The following CDH13 variants were observed in gnomAD, a reference collection of about 807,000 sequenced individuals.
The protein encoded by CDH13 is cadherin-13.
Under a neutral mutation model 63.8 loss-of-function variants are expected in CDH13, and 24 were observed. That is an observed-to-expected ratio of 0.38 (90% confidence interval 0.27 to 0.53). The LOEUF (loss-of-function observed/expected upper bound fraction) is 0.53, where lower values mean the gene tolerates loss of function less well. Ranked by LOEUF, CDH13 falls within the 20% of genes least tolerant of loss-of-function variation. The probability of loss-of-function intolerance (pLI) is 0.85; values close to 1 mark genes in which losing one functional copy is unlikely to be tolerated. For synonymous variants in CDH13, 503 were observed against 355.3 expected (o/e 1.42, Z -4.67); for missense variants, 1,049 against 903.1 (o/e 1.16, Z -2.07).
At chr16:83,287,676 A>G (rs565787994) in intron 5 of CDH13, among the ~76,000 whole-genome samples, 2 of 152,262 alleles carry the variant, frequency 1.3e-5, no homozygotes, top group Admixed American at 6.5e-5. Context: ...TTATATAATT[A>G]TTTCATGATG....
At chr16:82,763,586 A>G (rs1282710321) in intron 1 of CDH13, among the ~76,000 whole-genome samples, 2 of 152,270 alleles carry the variant, frequency 1.3e-5, no homozygotes, top group Admixed American at 6.5e-5. Flanking sequence ...ATATTTGACA[A>G]TGATAATTTA....
chr16:83,275,670 AGG>A (rs34186720), intron 5 of CDH13, among the ~76,000 whole-genome samples: 2 of 152,082 alleles, frequency 1.3e-5, no homozygotes, highest in Non-Finnish European at 2.9e-5. Flanking sequence ...TTGGAAGATA[AGG>A]GGGGGCCTGC....
intron 1 of CDH13, among the ~76,000 whole-genome samples, chr16:82,672,134 A>G (rs1248832172): frequency 6.6e-6 from 1 of 152,226 alleles, no homozygotes; most frequent in Non-Finnish European, 1.5e-5. Context: ...CTAACTCAGT[A>G]ACTTCCCAAC....
In CDH13 at chr16:83,050,563, C is replaced by T. The variant is rs550084393; in HGVS notation, c.366+18345C>T. Among the ~76,000 whole-genome samples the T allele has an allele frequency of 3.3e-5, 5 of 152,262 alleles. No homozygotes were observed. The East Asian group carries it at 9.6e-4, about 29-fold the overall frequency. On this transcript the variant is annotated intron_variant, in intron 3 of 13. Transcript: ENST00000567109. ...GCCATTGGAAGTGCCTGTCCATTTC[C>T]TGTCTTGATTTTCCTTTGCTGTTTT...
At chr16:83,144,004 G>C (rs1597410029) in intron 4 of CDH13, among the ~76,000 whole-genome samples, 4 of 152,082 alleles carry the variant, frequency 2.6e-5, no homozygotes, top group African/African-American at 7.2e-5. Flanking sequence ...CCCTCGGATA[G>C]GTCACACTGA....
At chr16:82,958,544 G>A (rs570381434) in intron 2 of CDH13, among the ~76,000 whole-genome samples, 1 of 152,340 alleles carries the variant, frequency 6.6e-6, no homozygotes, top group South Asian at 2.1e-4. Flanking sequence ...TCGGGGAGGA[G>A]AGGGCTTGAG....
At chr16:83,464,322 G>A (rs959317456) in intron 6 of CDH13, among the ~76,000 whole-genome samples, 1 of 152,006 alleles carries the variant, frequency 6.6e-6, no homozygotes, top group Non-Finnish European at 1.5e-5. Flanking sequence ...AGACCAGCCT[G>A]GCCAACATGG....
At chr16:83,509,076 G>C (rs1484313005) in intron 7 of CDH13, among the ~76,000 whole-genome samples, 1 of 152,174 alleles carries the variant, frequency 6.6e-6, no homozygotes, top group African/African-American at 2.4e-5. Flanking sequence ...TTGAAGCCAA[G>C]TTTCCATAAT....
intron 5 of CDH13, among the ~76,000 whole-genome samples, chr16:83,235,797 A>C (rs149320359): frequency 6.6e-6 from 1 of 152,188 alleles, no homozygotes; most frequent in Non-Finnish European, 1.5e-5. Context: ...GTGTTAATAC[A>C]TAGACTGAGG....
intron 6 of CDH13, among the ~76,000 whole-genome samples, chr16:83,458,928 G>T (rs1224674302): frequency 2.0e-5 from 3 of 152,192 alleles, no homozygotes; most frequent in African/African-American, 7.2e-5. Flanking sequence ...CAAGAGAAGG[G>T]TATATTATTA....
intron 6 of CDH13, among the ~76,000 whole-genome samples, chr16:83,450,600 G>A (rs2072860339): frequency 6.6e-6 from 1 of 152,254 alleles, no homozygotes; most frequent in Non-Finnish European, 1.5e-5. Flanking sequence ...GCCAGGGGCG[G>A]TGGCTTATGC....
chr16:83,290,401 G>A (rs2151865014), intron 5 of CDH13, among the ~76,000 whole-genome samples: 1 of 152,194 alleles, frequency 6.6e-6, no homozygotes, highest in African/African-American at 2.4e-5. Flanking sequence ...TTTTTCCCAT[G>A]CTGTTCTCAT....
chr16:83,724,149 A>G (rs1043102720), intron 10 of CDH13, among the ~76,000 whole-genome samples: 1 of 149,286 alleles, frequency 6.7e-6, no homozygotes, highest in Non-Finnish European at 1.5e-5. Flanking sequence ...TGATGAATGC[A>G]TGGGTGGGTG....
chr16:83,546,324 A>G (rs2075385870), intron 7 of CDH13, among the ~76,000 whole-genome samples: 1 of 152,156 alleles, frequency 6.6e-6, no homozygotes, highest in African/African-American at 2.4e-5. Flanking sequence ...GAATTCATGC[A>G]TAGCAGCAGA....
At chr16:82,887,474 G>A (rs543891311) in intron 2 of CDH13, among the ~76,000 whole-genome samples, 20 of 152,210 alleles carry the variant, frequency 1.3e-4, no homozygotes, top group Non-Finnish European at 2.4e-4. Flanking sequence ...CAGAGTCCTG[G>A]AGAGAAGAAT....
chr16:83,544,244 T>C (rs1477646180), intron 7 of CDH13, among the ~76,000 whole-genome samples: 1 of 151,762 alleles, frequency 6.6e-6, no homozygotes, highest in Non-Finnish European at 1.5e-5. Flanking sequence ...TAGGGTGGAG[T>C]GTTAAAGTCC....
chr16:83,772,129 C>T (rs1914800129), intron 11 of CDH13, among the ~76,000 whole-genome samples: 1 of 152,036 alleles, frequency 6.6e-6, no homozygotes, highest in Non-Finnish European at 1.5e-5. Flanking sequence ...TTAAACTATC[C>T]ATGTATACAA....
intron 1 of CDH13, among the ~76,000 whole-genome samples, chr16:82,632,850 G>C (rs114319914): frequency 2.6e-5 from 4 of 152,040 alleles, no homozygotes; most frequent in Non-Finnish European, 5.9e-5. Flanking sequence ...TTGTTTTTCT[G>C]CCACTAGATG....
chr16:83,665,688 G>C (rs969167438), intron 8 of CDH13, among the ~76,000 whole-genome samples: 2 of 152,132 alleles, frequency 1.3e-5, no homozygotes, highest in Non-Finnish European at 1.5e-5. Context: ...TAGTATTCAG[G>C]TCAAACATGC....
Sources: allele counts gnomAD v4.1 joint callset (sites outside exome capture counted in the v4.1 genomes callset), GRCh38; gene constraint gnomAD v4.1.1; transcripts MANE v1.5; gene names NCBI Gene and HGNC (gene_info 2026-07-23, HGNC 2026-07-21).